SPATA13: variants seen among roughly 807,000 people sequenced by gnomAD.
The protein encoded by SPATA13 is spermatogenesis associated 13.
SPATA13 carries 50 observed loss-of-function variants against 104.0 expected under a neutral mutation model. The observed-to-expected ratio is 0.48, with a 90% CI of 0.38 to 0.61. The LOEUF is 0.61. Among genes scored for constraint, SPATA13 ranks in the 20% least tolerant of loss-of-function variants. SPATA13 has a pLI of 0.00. For missense variants in SPATA13, 1,524 were observed against 1,690.6 expected (o/e 0.90, Z 1.73); for synonymous variants, 606 against 667.5 (o/e 0.91, Z 1.42).
intron 1 of SPATA13, among the ~76,000 whole-genome samples, chr13:24,207,091 A>G (rs1870744178): frequency 6.6e-6 from 1 of 152,226 alleles, no homozygotes; most frequent in Non-Finnish European, 1.5e-5. Flanking sequence ...GTTGGAAGCC[A>G]TTATCCTCAG....
At chr13:24,217,650 G>A (rs1871331217) in intron 1 of SPATA13, among the ~76,000 whole-genome samples, 1 of 152,216 alleles carries the variant, frequency 6.6e-6, no homozygotes, top group South Asian at 2.1e-4. Flanking sequence ...TAATACAGGG[G>A]TTATTTTTAT....
At chr13:23,991,105 G>A (rs1037109971) in intron 2 of SPATA13, among the ~76,000 whole-genome samples, 7 of 152,326 alleles carry the variant, frequency 4.6e-5, no homozygotes, top group Middle Eastern at 6.8e-3. Context: ...CAGGCAGGGC[G>A]GCAGCTCCCT....
intron 4 of SPATA13, among the ~76,000 whole-genome samples, chr13:24,260,633 A>G (rs753607938): frequency 6.6e-6 from 1 of 152,274 alleles, no homozygotes; most frequent in Non-Finnish European, 1.5e-5. Flanking sequence ...AATGAAACTC[A>G]ATAAAAGTGA....
At chr13:24,257,638 CT>C (rs150829474) in intron 4 of SPATA13, among the ~76,000 whole-genome samples, 2,251 of 143,362 alleles carry the variant, frequency 0.016, 47 homozygotes, top group Admixed American at 0.048. Flanking sequence ...AAATATAGTT[CT>C]TTTTTTGCAA....
At chr13:24,123,301 G>C in intron 3 of SPATA13, 10 of 1,519,174 alleles carry the variant, frequency 6.6e-6, no homozygotes, top group Non-Finnish European at 9.1e-6. Flanking sequence ...CTTCTTGTCA[G>C]CTCTAAGGCT....
chr13:24,255,327 G>A (rs902307142), intron 4 of SPATA13, among the ~76,000 whole-genome samples: 27 of 152,118 alleles, frequency 1.8e-4, no homozygotes, highest in African/African-American at 6.5e-4. Flanking sequence ...AGTTGAGTGA[G>A]GGCCCTCCCT....
At chr13:24,003,991 A>G (rs1297207763) in intron 2 of SPATA13, among the ~76,000 whole-genome samples, 1 of 152,118 alleles carries the variant, frequency 6.6e-6, no homozygotes, top group Non-Finnish European at 1.5e-5. Flanking sequence ...ACACACAGAA[A>G]CAGCACTTAT....
At chr13:24,141,968 C>T (rs1235944810) in intron 3 of SPATA13, among the ~76,000 whole-genome samples, 2 of 152,146 alleles carry the variant, frequency 1.3e-5, no homozygotes, top group Non-Finnish European at 2.9e-5. Flanking sequence ...CTCAGTAGGG[C>T]CTCTCAGATG....
At chr13:24,216,895 A>C (rs1200042018) in intron 1 of SPATA13, among the ~76,000 whole-genome samples, 2 of 152,122 alleles carry the variant, frequency 1.3e-5, no homozygotes, top group Non-Finnish European at 2.9e-5. Context: ...TACTAAAAAT[A>C]CAAAAATTAG....
At chr13:24,131,928 C>T (rs1300412309) in intron 3 of SPATA13, among the ~76,000 whole-genome samples, 2 of 121,804 alleles carry the variant, frequency 1.6e-5, no homozygotes, top group Non-Finnish European at 3.4e-5. Context: ...CTCACATATC[C>T]CCTCAGGGTA....
upstream of SPATA13, among the ~76,000 whole-genome samples, chr13:24,157,803 G>A (rs1882309986): frequency 6.6e-6 from 1 of 152,156 alleles, no homozygotes; most frequent in Non-Finnish European, 1.5e-5. Flanking sequence ...TCACAGCACT[G>A]CTTTGTTCAG....
chr13:24,209,340 G>A (rs781529041), intron 1 of SPATA13, among the ~76,000 whole-genome samples: 2 of 152,130 alleles, frequency 1.3e-5, no homozygotes, highest in Non-Finnish European at 2.9e-5. Context: ...AAAGGTCAGC[G>A]TTTTTGTTGA....
At chr13:24,000,820 A>G (rs1416776713) in intron 2 of SPATA13, among the ~76,000 whole-genome samples, 2 of 151,210 alleles carry the variant, frequency 1.3e-5, no homozygotes, top group Non-Finnish European at 3.0e-5. Flanking sequence ...ATTCGGGAGA[A>G]CCCTGGGTGA....
At chr13:24,045,282 A>T (rs1349813684) in intron 3 of SPATA13, among the ~76,000 whole-genome samples, 1 of 152,230 alleles carries the variant, frequency 6.6e-6, no homozygotes, top group Admixed American at 6.5e-5. Context: ...GCTAAATTTA[A>T]TATTCGACCA....
chr13:24,114,333 T>C (rs946133696), intron 3 of SPATA13, among the ~76,000 whole-genome samples: 1 of 94,172 alleles, frequency 1.1e-5, no homozygotes, highest in Admixed American at 1.2e-4. Flanking sequence ...TATGCGAGCA[T>C]ATAGAAGCTA....
intron 3 of SPATA13, among the ~76,000 whole-genome samples, chr13:24,074,989 G>T (rs1879281340): frequency 6.6e-6 from 1 of 152,200 alleles, no homozygotes; most frequent in Admixed American, 6.5e-5. Context: ...GTAAGTTACA[G>T]TCTGTTTACA....
chr13:23,981,079 G>T (rs1005039097), intron 1 of SPATA13, among the ~76,000 whole-genome samples: 1 of 152,140 alleles, frequency 6.6e-6, no homozygotes, highest in Admixed American at 6.5e-5. Context: ...TATAAAGCCG[G>T]TAGCAGTACT....
chr13:24,190,574 C>T (rs9551076), intron 1 of SPATA13, among the ~76,000 whole-genome samples: 139,850 of 150,702 alleles, frequency 0.93, 65,766 homozygotes, highest in East Asian at 1. Context: ...TTGAGGGGTT[C>T]GAGACTTCAG....
chr13:24,237,729 C>T (rs1195580574), intron 2 of SPATA13, among the ~76,000 whole-genome samples: 5 of 151,822 alleles, frequency 3.3e-5, no homozygotes, highest in African/African-American at 1.2e-4. Flanking sequence ...ACTCAGGAAG[C>T]CAAGATGGGA....
Sources: allele counts gnomAD v4.1 joint callset (sites outside exome capture counted in the v4.1 genomes callset), GRCh38; gene constraint gnomAD v4.1.1; transcripts MANE v1.5; gene names NCBI Gene and HGNC (gene_info 2026-07-23, HGNC 2026-07-21).